Variants in PCDHGB4 observed in about 807,000 individuals in gnomAD.
The protein encoded by PCDHGB4 is protocadherin gamma subfamily B, 4.
A neutral mutation model predicts 60.5 loss-of-function variants in PCDHGB4; 38 were observed. That is an observed-to-expected ratio of 0.63 (90% CI 0.48 to 0.82). The LOEUF is 0.82. PCDHGB4 is among the 40% of genes least tolerant of loss of function. The pLI, the probability that PCDHGB4 is intolerant of heterozygous loss-of-function variation, is 0.00. For synonymous variants in PCDHGB4, 456 were observed against 509.7 expected (o/e 0.89, Z 1.42); for missense variants, 1,109 against 1,209.6 (o/e 0.92, Z 1.23).
intron 1 of PCDHGB4, chr5:141,415,556 CTT>C: frequency 6.2e-7 from 1 of 1,614,078 alleles, no homozygotes; most frequent in Non-Finnish European, 8.5e-7. Context: ...AAAAACGATC[CTT>C]TGTCTTTGTT....
intron 1 of PCDHGB4, chr5:141,404,571 C>T: frequency 6.2e-7 from 1 of 1,613,720 alleles, no homozygotes; most frequent in Non-Finnish European, 8.5e-7. Flanking sequence ...AGTGGAAGCC[C>T]ACCACTTAGC....
chr5:141,499,191 C>A (rs920773306), intron 2 of PCDHGB4, among the ~76,000 whole-genome samples: 1 of 152,116 alleles, frequency 6.6e-6, no homozygotes, highest in Non-Finnish European at 1.5e-5. Context: ...ACCATTTCCC[C>A]CTTCTTAGGC....
rs1340590903 is a variant in PCDHGB4, at chr5:141,432,842, G to A, written c.2397+42561G>A. On this transcript the variant is annotated intron_variant, in intron 1 of 3. Coordinates refer to ENST00000519479, the MANE Select transcript of PCDHGB4 (RefSeq NM_003736.4). This position sits in a 1 kb window ranked among gnomAD's most constrained non-coding sequence, Gnocchi z 6.0. ...CTCAGACCTCACTCTGTACCTGGTG[G>A]TAGCGGTGGCCGCGGTCTCCTGCGT... 5 of 1,614,192 alleles carry A rather than the reference G, an allele frequency of 3.1e-6. No individual in the cohort carries two copies. The South Asian group carries it at 4.4e-5, about 14-fold the overall frequency.
chr5:141,404,455 C>T, intron 1 of PCDHGB4: 1 of 1,611,994 alleles, frequency 6.2e-7, no homozygotes, highest in Non-Finnish European at 8.5e-7. Context: ...GGTCTCCTCT[C>T]TCCACCTATG....
chr5:141,488,565 C>A (rs1308485284), intron 1 of PCDHGB4, among the ~76,000 whole-genome samples: 1 of 152,174 alleles, frequency 6.6e-6, no homozygotes, highest in Non-Finnish European at 1.5e-5. Flanking sequence ...GAGATTTCCG[C>A]AAAGCATTGC....
intron 2 of PCDHGB4, among the ~76,000 whole-genome samples, chr5:141,500,292 T>A (rs1001226545): frequency 2.0e-5 from 3 of 151,954 alleles, no homozygotes; most frequent in Non-Finnish European, 4.4e-5. Context: ...CACTGCAAGC[T>A]CCGCCTCCCA....
intron 2 of PCDHGB4, among the ~76,000 whole-genome samples, chr5:141,501,102 C>G (rs951290710): frequency 2.0e-5 from 3 of 152,014 alleles, no homozygotes; most frequent in African/African-American, 4.8e-5. Flanking sequence ...CTCTTGACCT[C>G]GTGATCCGCC....
chr5:141,431,004 G>A lies in PCDHGB4; in HGVS notation c.2397+40723G>A, dbSNP rs569594120. The A allele has an allele frequency of 6.2e-7, 1 of 1,614,048 alleles. No homozygotes were observed. The highest frequency in any genetic ancestry group is 1.1e-5 in the South Asian group (1 of 91,074). On this transcript the variant is annotated intron_variant, in intron 1 of 3. Coordinates refer to ENST00000519479, the MANE Select transcript of PCDHGB4 (RefSeq NM_003736.4). The surrounding 1 kb of genome is among the most constrained non-coding windows in gnomAD (Gnocchi z 4.8). ...CTTTTCGCCCTGAATCCGCGCAGCG[G>A]CAGCTTGGTCACGGCGGGCAGGATA... is the stretch of plus-strand genomic sequence containing the variant.
At chr5:141,393,890 T>C (rs1207998765) in intron 1 of PCDHGB4, 2 of 1,613,958 alleles carry the variant, frequency 1.2e-6, no homozygotes, top group South Asian at 2.2e-5. Flanking sequence ...TGTTAGAAAA[T>C]TCTCTTCCCG....
intron 1 of PCDHGB4, chr5:141,393,241 A>C (rs377394191): frequency 1.8e-4 from 292 of 1,613,684 alleles, no homozygotes; most frequent in Non-Finnish European, 2.3e-4. Context: ...GTAAAAATTA[A>C]CGAAATCGCG....
At chr5:141,470,306 T>C (rs2099227644) in intron 1 of PCDHGB4, among the ~76,000 whole-genome samples, 1 of 152,222 alleles carries the variant, frequency 6.6e-6, no homozygotes, top group South Asian at 2.1e-4. Flanking sequence ...TTATTCCATT[T>C]TTCCTCAAAT....
At chr5:141,507,797 C>T (rs933921827) in intron 3 of PCDHGB4, among the ~76,000 whole-genome samples, 3 of 152,240 alleles carry the variant, frequency 2.0e-5, no homozygotes, top group Non-Finnish European at 2.9e-5. Flanking sequence ...TCTAAGCCTG[C>T]GCCCTGGGGA....
chr5:141,485,935 C>A lies in PCDHGB4; in HGVS notation c.2398-8872C>A. The stretch of plus-strand genomic sequence containing the variant: ...GCTACAGGATTAGTGTGTTGGAGAG[C>A]GCACCAGCGGGCATGGTGCTCATCC... On this transcript the variant is annotated intron_variant, in intron 1 of 3. Coordinates refer to ENST00000519479, the MANE Select transcript of PCDHGB4 (RefSeq NM_003736.4). This position sits in a 1 kb window ranked among gnomAD's most constrained non-coding sequence, Gnocchi z 5.7. The A allele has an allele frequency of 3.1e-6, 5 of 1,614,144 alleles. No homozygotes were observed. Among genetic ancestry groups the A allele is most frequent in the Non-Finnish European group, 3.4e-6 (4 of 1,180,030 alleles).
chr5:141,422,655 C>T (rs188587553), intron 1 of PCDHGB4: 2 of 1,610,120 alleles, frequency 1.2e-6, no homozygotes, highest in Admixed American at 3.3e-5. Flanking sequence ...TCTCAGTGAC[C>T]GCCCTCGACC....
rs201424832 is a variant in PCDHGB4 at position 141,490,802 on chromosome 5, C to T, written c.2398-4005C>T. On this transcript the variant is annotated intron_variant, in intron 1 of 3. Transcript: ENST00000519479. This position sits in a 1 kb window ranked among gnomAD's most constrained non-coding sequence, Gnocchi z 5.4. Reference sequence around the variant, plus strand: ...GATGGACGGATCTTTGCCCAGCGTACCTTTGACTATGAATTGCTGCAGATG... The same window carrying T: ...GATGGACGGATCTTTGCCCAGCGTATCTTTGACTATGAATTGCTGCAGATG... 1 of 1,613,944 alleles carries T rather than the reference C, an allele frequency of 6.2e-7. No homozygotes were observed. Among genetic ancestry groups the T allele is most frequent in the East Asian group, 2.2e-5 (1 of 44,886 alleles).
intron 1 of PCDHGB4, chr5:141,403,322 A>G (rs1156229289): frequency 6.2e-7 from 1 of 1,613,982 alleles, no homozygotes; most frequent in Non-Finnish European, 8.5e-7. Flanking sequence ...AATAGAAGTA[A>G]CTGATATTAA....
chr5:141,399,950 G>A lies in PCDHGB4; in HGVS notation c.2397+9669G>A, dbSNP rs566695854. On this transcript the variant is annotated intron_variant, in intron 1 of 3. Coordinates refer to ENST00000519479, the MANE Select transcript of PCDHGB4 (RefSeq NM_003736.4). ...CTGTCCTACCACGTGCTGCAGGCTA[G>A]CGAGCCCGGGCTCTTCAGCCTGGGG... The A allele has an allele frequency of 4.3e-6, 7 of 1,612,178 alleles. No individual in the cohort carries two copies. The African/African-American group carries it at 6.7e-5, about 15-fold the overall frequency.
At position 141,477,530 on chromosome 5, in the gene PCDHGB4, C is replaced by A; in HGVS notation, c.2398-17277C>A. The A allele has an allele frequency of 6.2e-7, 1 of 1,614,186 alleles. No homozygotes were observed. The highest frequency in any genetic ancestry group is 1.1e-5 in the South Asian group (1 of 91,082). ...CGTTTACATTGAAGAAAACAACCTCCCCGGGGCTCCAATACTAAACCTAAG... is the reference window on the plus strand; with the variant it reads ...CGTTTACATTGAAGAAAACAACCTCACCGGGGCTCCAATACTAAACCTAAG... On this transcript the variant is annotated intron_variant, in intron 1 of 3. Coordinates refer to ENST00000519479, the MANE Select transcript of PCDHGB4 (RefSeq NM_003736.4). The surrounding 1 kb of genome is among the most constrained non-coding windows in gnomAD (Gnocchi z 4.9).
At position 141,485,162 on chromosome 5, in the gene PCDHGB4, C is replaced by A. The variant is rs759021453; in HGVS notation, c.2398-9645C>A. The A allele has an allele frequency of 8.7e-6, 14 of 1,602,188 alleles. No individual in the cohort carries two copies. The Admixed American group carries it at 2.0e-4, about 23-fold the overall frequency. ...GTCTCAGGAGCAAGTAGAGAATTAGCGGGCGGCAGCAATGCTCCGCAAGGT... is the reference window on the plus strand; with the variant it reads ...GTCTCAGGAGCAAGTAGAGAATTAGAGGGCGGCAGCAATGCTCCGCAAGGT... On this transcript the variant is annotated intron_variant, in intron 1 of 3. Transcript: ENST00000519479. The surrounding 1 kb of genome is among the most constrained non-coding windows in gnomAD (Gnocchi z 5.7).
Sources: gnomAD v4.1 joint callset for allele counts (sites outside exome capture counted in the v4.1 genomes callset) on GRCh38, gnomAD v4.1.1 for gene constraint, Gnocchi (gnomAD v3.1) non-coding constraint, MANE v1.5 for transcripts, NCBI Gene and HGNC (gene_info 2026-07-23, HGNC 2026-07-21) for gene names.